Variants in AP3B1 observed in about 807,000 individuals in gnomAD.
The protein encoded by AP3B1 is adaptor related protein complex 3 subunit beta 1.
Under a neutral mutation model 132.5 loss-of-function variants are expected in AP3B1, and 61 were observed. The ratio of observed to expected loss-of-function variants is 0.46; its 90% CI spans 0.37 to 0.57. The LOEUF (loss-of-function observed/expected upper bound fraction) is 0.57. AP3B1 is among the 20% of genes least tolerant of loss of function. The pLI is 0.00. For missense variants in AP3B1, 1,120 were observed against 1,289.4 expected, an observed-to-expected ratio of 0.87 and a Z score of 2.01; for synonymous variants, 388 against 438.3, an observed-to-expected ratio of 0.89 and a Z score of 1.43.
intron 6 of AP3B1, among the ~76,000 whole-genome samples, chr5:78,220,538 C>T (rs554584662): frequency 2.0e-5 from 3 of 151,260 alleles, no homozygotes; most frequent in Non-Finnish European, 2.9e-5. Context: ...TAAAAGTAAA[C>T]GAAAATCAAC....
chr5:78,191,353 C>T (rs1386853654), intron 7 of AP3B1, among the ~76,000 whole-genome samples: 1 of 103,990 alleles, frequency 9.6e-6, no homozygotes, highest in Non-Finnish European at 1.7e-5. Context: ...TTGCTTTTCC[C>T]CAAAAAAAAA....
chr5:78,160,855 C>T (rs186575815), intron 13 of AP3B1, among the ~76,000 whole-genome samples: 3 of 151,906 alleles, frequency 2.0e-5, no homozygotes, highest in Non-Finnish European at 4.4e-5. Flanking sequence ...TTACCTCTCA[C>T]TTTTACTGAG....
At chr5:78,259,734 A>G (rs550678801) in intron 2 of AP3B1, among the ~76,000 whole-genome samples, 1 of 152,030 alleles carries the variant, frequency 6.6e-6, no homozygotes, top group African/African-American at 2.4e-5. Context: ...TTGGGAGGCC[A>G]AGGTGGGCGG....
chr5:78,269,208 A>G lies in AP3B1; in HGVS notation c.129-1613T>C, dbSNP rs200206193. On this transcript the variant is annotated intron_variant, in intron 1 of 26. Transcript: ENST00000255194. ...TTTTCCTCAACTCTTTGCTGAAAAC[A>G]ATAGTTGTTTCAAATATATTCATTT... Among the ~76,000 whole-genome samples, 13 of 150,588 alleles carry G rather than the reference A, an allele frequency of 8.6e-5. No homozygotes were observed. The East Asian group carries it at 1.4e-3, about 16-fold the overall frequency.
In AP3B1 at chr5:78,110,215, C is replaced by G. The variant is rs770603726; in HGVS notation, c.2389G>C (p.Val797Leu). The G allele has an allele frequency of 5.0e-6, 8 of 1,604,060 alleles. No homozygotes were observed. Among genetic ancestry groups the G allele is most frequent in the Non-Finnish European group, 6.8e-6 (8 of 1,173,994 alleles). The change falls in exon 20 of 27, where the codon GTC (valine) becomes CTC (leucine). Residue 797 changes from valine to leucine, a missense_variant. Coordinates refer to ENST00000255194, the MANE Select transcript of AP3B1 (RefSeq NM_003664.5). ...EPESESESRR[V>L]TKEKEKKTKQ... The stretch of plus-strand genomic sequence containing the variant: ...AATGTATAATCTCTTACCTTAGTGA[C>G]TCTTCTGGATTCAGATTCACTTTCA...
intron 25 of AP3B1, chr5:78,016,016 T>C: frequency 5.1e-6 from 1 of 194,968 alleles, no homozygotes; most frequent in Non-Finnish European, 1.0e-5. Flanking sequence ...CTAGCAGCAA[T>C]ACCTGGTAAA....
At chr5:78,104,172 T>A (rs1292298368) in intron 20 of AP3B1, among the ~76,000 whole-genome samples, 1 of 152,314 alleles carries the variant, frequency 6.6e-6, no homozygotes, top group Middle Eastern at 3.4e-3. Context: ...TGAAATATTT[T>A]CAATTAGAAT....
intron 11 of AP3B1, among the ~76,000 whole-genome samples, chr5:78,167,797 A>G (rs1045754531): frequency 1.5e-4 from 23 of 152,168 alleles, no homozygotes; most frequent in East Asian, 9.6e-4. Flanking sequence ...GTTCTCACTC[A>G]TAAGTGGGAG....
chr5:78,122,573 T>G (rs2112284926), intron 17 of AP3B1, among the ~76,000 whole-genome samples: 1 of 152,220 alleles, frequency 6.6e-6, no homozygotes, highest in East Asian at 1.9e-4. Flanking sequence ...GAGAGCCAAA[T>G]CATGAGTGAA....
intron 22 of AP3B1, among the ~76,000 whole-genome samples, chr5:78,056,380 A>G (rs1257568860): frequency 6.6e-6 from 1 of 152,190 alleles, no homozygotes; most frequent in African/African-American, 2.4e-5. Flanking sequence ...TGTGAAACTG[A>G]TTTTTAAACT....
chr5:78,225,598 C>G lies in AP3B1; in HGVS notation c.547G>C (p.Glu183Gln). The change falls in exon 6 of 27, where the codon GAG becomes CAG. Residue 183 changes from glutamate to glutamine, a missense_variant. Glu to Gln is a conservative substitution (Grantham distance 29). This residue lies in a region of AP3B1 where 129 missense variants were observed against 212.4 expected (regional missense o/e 0.61). Transcript: ENST00000255194. ...AIQKLYSLDP[E>Q]QKEMLIEVIE... is the part of the protein sequence containing the mutation. ...ACTTCAATTAACATTTCCTTCTGCT[C>G]TGGATCAAGGCTAAAAAATACAAAA... 1.9e-6 allele frequency: 3 copies of G among 1,578,134 alleles called. No homozygotes were observed. The highest frequency in any genetic ancestry group is 2.6e-6 in the Non-Finnish European group (3 of 1,149,844).
chr5:78,055,705 G>C (rs909012182), intron 22 of AP3B1, among the ~76,000 whole-genome samples: 3 of 152,114 alleles, frequency 2.0e-5, no homozygotes, highest in African/African-American at 7.2e-5. Flanking sequence ...AAGCTCATGG[G>C]GAGATTTTTT....
chr5:78,273,033 G>A (rs1340243109), intron 1 of AP3B1, among the ~76,000 whole-genome samples: 1 of 152,090 alleles, frequency 6.6e-6, no homozygotes, highest in African/African-American at 2.4e-5. Flanking sequence ...ACACATATAT[G>A]TATGCATATA....
Position 78,240,808 on chromosome 5 carries a change from G to A in AP3B1, c.279+54C>T, listed in dbSNP as rs1747100713. Reference sequence around the variant, plus strand: ...TGTTGCATTATACTACATAAAAAGTGTACGGTCCCATGAAAACAAAAGGAA... The same window carrying A: ...TGTTGCATTATACTACATAAAAAGTATACGGTCCCATGAAAACAAAAGGAA... On this transcript the variant is annotated intron_variant, in intron 3 of 26. Transcript: ENST00000255194. The A allele has an allele frequency of 1.3e-5, 16 of 1,224,996 alleles. No homozygotes were observed. In the Admixed American group the frequency reaches 2.4e-4, roughly 18 times the overall value. The allele number at this position is 1,224,996 out of a possible 1,614,324, so 75.9% of individuals were successfully genotyped here.
intron 2 of AP3B1, among the ~76,000 whole-genome samples, chr5:78,248,492 C>CAAAAAAAAAAAAA (rs34983157): frequency 3.5e-4 from 25 of 71,354 alleles, no homozygotes; most frequent in South Asian, 5.2e-4. Flanking sequence ...GACTCTGTCT[C>CAAAAAAAAAAAAA]AAAAAAAAAA....
intron 22 of AP3B1, among the ~76,000 whole-genome samples, chr5:78,072,878 T>C (rs1749601998): frequency 6.6e-6 from 1 of 151,848 alleles, no homozygotes. Flanking sequence ...CAAGCCACCA[T>C]GCCCGGCAAA....
At chr5:78,277,750 C>T (rs1326661829) in intron 1 of AP3B1, among the ~76,000 whole-genome samples, 5 of 152,168 alleles carry the variant, frequency 3.3e-5, no homozygotes, top group African/African-American at 1.2e-4. Context: ...CAAATGAAAG[C>T]AGGCTATATA....
chr5:78,118,195 C>G (rs991734260), intron 17 of AP3B1, among the ~76,000 whole-genome samples: 1 of 152,100 alleles, frequency 6.6e-6, no homozygotes, highest in African/African-American at 2.4e-5. Flanking sequence ...TAAAAAATCT[C>G]CAGGAGGGTG....
intron 2 of AP3B1, among the ~76,000 whole-genome samples, chr5:78,257,781 C>T (rs927640949): frequency 6.6e-6 from 1 of 152,070 alleles, no homozygotes; most frequent in African/African-American, 2.4e-5. Context: ...TACTACAAAG[C>T]TATAGTAACC....
Sources: gnomAD v4.1 joint callset for allele counts (sites outside exome capture counted in the v4.1 genomes callset) on GRCh38, gnomAD v4.1.1 for gene constraint, gnomAD v4.1.1 regional missense constraint, MANE v1.5 for transcripts, NCBI Gene and HGNC (gene_info 2026-07-23, HGNC 2026-07-21) for gene names.